RIC1: variants seen among roughly 807,000 people sequenced by gnomAD.
RIC1 encodes RIC1 partner of RAB6A GEF complex, also known as guanine nucleotide exchange factor subunit RIC1.
A neutral mutation model predicts 169.0 loss-of-function variants in RIC1; 88 were observed. The ratio of observed to expected loss-of-function variants is 0.52; its 90% confidence interval spans 0.44 to 0.62. The LOEUF is 0.62. Among genes scored for constraint, RIC1 ranks in the 20% least tolerant of loss-of-function variants. RIC1 has a pLI of 0.00. For missense variants in RIC1, 1,877 were observed against 1,725.5 expected (o/e 1.09, Z -1.56); for synonymous variants, 790 against 601.5 (o/e 1.31, Z -4.59).
At position 5,700,777 on chromosome 9, in the gene RIC1, A is replaced by C. The variant is rs559526921; in HGVS notation, c.332+10739A>C. ...TGTGGGAAAATCGTTGGAACAGATC[A>C]CTTAAAACTTCCTATAACTTTGAAC... On this transcript the variant is annotated intron_variant, in intron 3 of 25. Transcript: ENST00000414202. Among the ~76,000 whole-genome samples the C allele has an allele frequency of 2.0e-5, 3 of 152,336 alleles. No homozygotes were observed. In the East Asian group the frequency reaches 5.8e-4, roughly 29 times the overall value.
intron 1 of RIC1, among the ~76,000 whole-genome samples, chr9:5,648,073 C>T (rs1818620131): frequency 6.6e-6 from 1 of 150,504 alleles, no homozygotes; most frequent in Non-Finnish European, 1.5e-5. Context: ...ACCGCCACCT[C>T]CCGAGTTCAA....
intron 3 of RIC1, among the ~76,000 whole-genome samples, chr9:5,704,328 A>C (rs993226869): frequency 1.3e-5 from 2 of 151,760 alleles, no homozygotes; most frequent in African/African-American, 4.8e-5. Flanking sequence ...CTCTCACCTC[A>C]GTCACCAGAG....
rs1343108971 is a variant in RIC1 at position 5,774,347 on chromosome 9, G to C, written c.*101G>C. The C allele has an allele frequency of 4.0e-6, 4 of 992,356 alleles. No individual in the cohort carries two copies. The highest frequency in any genetic ancestry group is 5.9e-6 in the Non-Finnish European group (4 of 683,134). The allele number at this position is 992,356 out of a possible 1,614,324, so 61.5% of individuals were successfully genotyped here. Reference sequence around the variant, plus strand: ...TGATTTAACAGGAGAACTCAGTTCAGAGACTCTTCGGTAAGTATTAGTAGA... The same window carrying C: ...TGATTTAACAGGAGAACTCAGTTCACAGACTCTTCGGTAAGTATTAGTAGA... On this transcript the variant is annotated 3_prime_UTR_variant, in exon 26 of 26. Coordinates refer to ENST00000414202, the MANE Select transcript of RIC1 (RefSeq NM_020829.4).
chr9:5,630,235 G>C (rs772310254), intron 1 of RIC1, among the ~76,000 whole-genome samples: 3 of 152,186 alleles, frequency 2.0e-5, no homozygotes, highest in African/African-American at 4.8e-5. Context: ...GTAGATATGA[G>C]AAAGAAATAA....
chr9:5,676,420 G>A (rs1820445730), intron 2 of RIC1, among the ~76,000 whole-genome samples: 1 of 152,044 alleles, frequency 6.6e-6, no homozygotes, highest in South Asian at 2.1e-4. Context: ...AGGCACTGTT[G>A]TAGTGCTTTA....
chr9:5,697,852 A>C (rs975093442), intron 3 of RIC1, among the ~76,000 whole-genome samples: 1 of 152,190 alleles, frequency 6.6e-6, no homozygotes, highest in Non-Finnish European at 1.5e-5. Context: ...GATGCTAATG[A>C]ATAATTGTTT....
intron 1 of RIC1, among the ~76,000 whole-genome samples, chr9:5,631,720 C>CACTTTATTCCCCCATAAGAGAAGCAT (rs1817724515): frequency 1.3e-5 from 2 of 151,128 alleles, no homozygotes; most frequent in East Asian, 3.9e-4. Context: ...AATATTGAAC[C>CACTTTATTCCCCCATAAGAGAAGCAT]AAGTGATTAT....
intron 17 of RIC1, among the ~76,000 whole-genome samples, chr9:5,759,776 T>TG (rs1156798726): frequency 6.6e-6 from 1 of 151,242 alleles, no homozygotes; most frequent in Non-Finnish European, 1.5e-5. Context: ...CTGACAAAAC[T>TG]GAAAAAAAAA....
At chr9:5,769,820 C>A (rs7861378) in intron 22 of RIC1, 202 of 355,828 alleles carry the variant, frequency 5.7e-4, no homozygotes, top group African/African-American at 3.9e-3. Context: ...AAGCAAATCA[C>A]TTAGAAGATC....
At position 5,759,775 on chromosome 9, in the gene RIC1, C is replaced by G. The variant is rs74482170; in HGVS notation, c.1992+2324C>G. On this transcript the variant is annotated intron_variant, in intron 17 of 25. Coordinates refer to ENST00000414202, the MANE Select transcript of RIC1 (RefSeq NM_020829.4). Reference sequence around the variant, plus strand: ...CTTAATTGAAAATATTCTGACAAAACTGAAAAAAAAATAAGGGATGGATGG... The same window carrying G: ...CTTAATTGAAAATATTCTGACAAAAGTGAAAAAAAAATAAGGGATGGATGG... 7.7e-3 allele frequency among the ~76,000 whole-genome samples: 1,156 copies of G among 150,984 alleles called. 22 individuals carry two copies. Among genetic ancestry groups the G allele is most frequent in the African/African-American group, 0.027 (1,112 of 41,138 alleles).
chr9:5,770,059 A>AT (rs951245860), intron 22 of RIC1, 28 bp from the exon 23 acceptor site: 2 of 1,569,808 alleles, frequency 1.3e-6, no homozygotes, highest in Admixed American at 1.8e-5. Flanking sequence ...TTCTTCCTCC[A>AT]TTTTTTGTTT....
intron 9 of RIC1, 24 bp from the exon 10 acceptor site, chr9:5,743,665 T>C: frequency 1.3e-6 from 2 of 1,575,196 alleles, no homozygotes; most frequent in Middle Eastern, 3.4e-4. Context: ...GGCTGTATTA[T>C]ATTTAGTTTC....
intron 3 of RIC1, among the ~76,000 whole-genome samples, chr9:5,704,055 T>C (rs1271870296): frequency 6.6e-6 from 1 of 151,332 alleles, no homozygotes; most frequent in African/African-American, 2.4e-5. Flanking sequence ...TTTTTTTTTA[T>C]TATATTAGGG....
intron 12 of RIC1, among the ~76,000 whole-genome samples, chr9:5,749,502 G>T (rs1825594658): frequency 6.6e-6 from 1 of 152,114 alleles, no homozygotes; most frequent in African/African-American, 2.4e-5. Flanking sequence ...CACATCCTCT[G>T]TCAAAGTTGA....
rs1182614075 is a variant in RIC1, at chr9:5,739,476, A to G, written c.901+938A>G. 2.6e-5 allele frequency among the ~76,000 whole-genome samples: 4 copies of G among 152,154 alleles called. 1 individual carries two copies. The highest frequency in any genetic ancestry group is 5.9e-5 in the Non-Finnish European group (4 of 68,028). ...CAGATTTCTATTTATGTAAATTAGA[A>G]AACTCAAGCAGTTCCCATAGTGCAC... On this transcript the variant is annotated intron_variant, in intron 8 of 25. Transcript: ENST00000414202.
At chr9:5,760,558 C>A (rs1257493087) in intron 17 of RIC1, among the ~76,000 whole-genome samples, 2 of 152,070 alleles carry the variant, frequency 1.3e-5, no homozygotes, top group Admixed American at 1.3e-4. Context: ...GTATGCAGTT[C>A]CCAGTCATGC....
chr9:5,702,864 A>G lies in RIC1; in HGVS notation c.333-11032A>G, dbSNP rs540829792. Among the ~76,000 whole-genome samples, 9 of 152,264 alleles carry G rather than the reference A, an allele frequency of 5.9e-5. No homozygotes were observed. In the South Asian group the frequency reaches 1.9e-3, roughly 32 times the overall value. On this transcript the variant is annotated intron_variant, in intron 3 of 25. Transcript: ENST00000414202. ...ATGCAACTGAGCTACACACTTTTAAACAACCAGATCTCACGATAACTTACT... is the reference window on the plus strand; with the variant it reads ...ATGCAACTGAGCTACACACTTTTAAGCAACCAGATCTCACGATAACTTACT...
At chr9:5,653,482 T>G (rs1383397995) in intron 1 of RIC1, among the ~76,000 whole-genome samples, 1 of 152,258 alleles carries the variant, frequency 6.6e-6, no homozygotes, top group African/African-American at 2.4e-5. Context: ...GGAATTTGAT[T>G]GAGATTGTAT....
At chr9:5,770,823 C>T (rs957597900) in intron 23 of RIC1, among the ~76,000 whole-genome samples, 2 of 151,996 alleles carry the variant, frequency 1.3e-5, no homozygotes, top group Non-Finnish European at 2.9e-5. Flanking sequence ...GGTGCTTTTA[C>T]AAAAAAATGT....
Sources: gnomAD v4.1 joint callset for allele counts (sites outside exome capture counted in the v4.1 genomes callset) on GRCh38, gnomAD v4.1.1 for gene constraint, MANE v1.5 for transcripts, NCBI Gene and HGNC (gene_info 2026-07-23, HGNC 2026-07-21) for gene names.